Variants in MAN2A1 observed in about 807,000 individuals in gnomAD.
MAN2A1 encodes the protein alpha-mannosidase 2.
MAN2A1 carries 76 observed loss-of-function variants against 142.6 expected under a neutral mutation model. The ratio of observed to expected loss-of-function variants is 0.53; its 90% CI spans 0.44 to 0.65. The LOEUF is 0.65. MAN2A1 is among the 30% of genes least tolerant of loss of function. The pLI is 0.00. For missense variants in MAN2A1, 1,311 were observed against 1,365.1 expected, an observed-to-expected ratio of 0.96 and a Z score of 0.62; for synonymous variants, 559 against 473.2, an observed-to-expected ratio of 1.18 and a Z score of -2.35.
At chr5:109,752,686 T>G (rs1260706817) in intron 4 of MAN2A1, among the ~76,000 whole-genome samples, 1 of 152,184 alleles carries the variant, frequency 6.6e-6, no homozygotes, top group Non-Finnish European at 1.5e-5. Flanking sequence ...CCAGCCAGAC[T>G]GGGAAAGATA....
At chr5:109,767,389 A>G (rs1753020747) in intron 5 of MAN2A1, 146 bp from the exon 6 acceptor site, 2 of 562,260 alleles carry the variant, frequency 3.6e-6, no homozygotes, top group Non-Finnish European at 6.0e-6. Context: ...CTTGCTGGGA[A>G]TACTTGGCAG....
chr5:109,771,743 GTGGGCAAA>G (rs1249961157), intron 7 of MAN2A1, among the ~76,000 whole-genome samples: 1 of 152,088 alleles, frequency 6.6e-6, no homozygotes, highest in East Asian at 1.9e-4. Context: ...GCCTGTGTAG[GTGGGCAAA>G]TAGCTGTTTA....
chr5:109,809,699 C>G (rs1294564375), intron 12 of MAN2A1, among the ~76,000 whole-genome samples: 2 of 152,134 alleles, frequency 1.3e-5, no homozygotes, highest in East Asian at 3.8e-4. Context: ...GGGGATTTAA[C>G]ATGACACACC....
chr5:109,817,354 G>A lies in MAN2A1; in HGVS notation c.2025G>A (p.Val675=), dbSNP rs544297443. Residue 675 remains valine, a synonymous_variant, in exon 13 of 22, where the codon GTG becomes GTA. Coordinates refer to ENST00000261483, the MANE Select transcript of MAN2A1 (RefSeq NM_002372.4). ...ATGTGAGTTCCCCGACAGTGCAAGT[G>A]TTCTCTGCTTCAGGAAAACCTGTGG... ...SVYVSSPTVQ[V]FSASGKPVEV... The A allele has an allele frequency of 1.2e-6, 2 of 1,614,094 alleles. No homozygotes were observed. Among genetic ancestry groups the A allele is most frequent in the South Asian group, 1.1e-5 (1 of 91,072 alleles).
intron 5 of MAN2A1, among the ~76,000 whole-genome samples, chr5:109,758,139 A>T (rs1752739726): frequency 6.6e-6 from 1 of 152,126 alleles, no homozygotes; most frequent in South Asian, 2.1e-4. Context: ...CCTTCCCACC[A>T]GCAATGTGTG....
At chr5:109,767,432 T>G (rs1283761480) in intron 5 of MAN2A1, 103 bp from the exon 6 acceptor site, 6 of 877,630 alleles carry the variant, frequency 6.8e-6, no homozygotes, top group Non-Finnish European at 3.4e-6. Flanking sequence ...TGGTCTGATA[T>G]CTCTAGGAGA....
At chr5:109,826,887 C>G (rs1281006472) in intron 16 of MAN2A1, among the ~76,000 whole-genome samples, 1 of 152,170 alleles carries the variant, frequency 6.6e-6, no homozygotes, top group Non-Finnish European at 1.5e-5. Context: ...GATGATTGAT[C>G]AAAATGCATA....
chr5:109,855,034 C>G, intron 19 of MAN2A1, 106 bp from the exon 20 acceptor site: 1 of 530,580 alleles, frequency 1.9e-6, no homozygotes, highest in Non-Finnish European at 3.0e-6. Context: ...TGTAATGAAA[C>G]CAAATTATTC....
At chr5:109,769,129 G>A (rs970655984) in intron 6 of MAN2A1, among the ~76,000 whole-genome samples, 3 of 152,156 alleles carry the variant, frequency 2.0e-5, no homozygotes, top group Non-Finnish European at 4.4e-5. Context: ...TAGGACTTGT[G>A]ACAACCTTTT....
chr5:109,779,815 A>G (rs1027086001), intron 8 of MAN2A1, among the ~76,000 whole-genome samples: 3 of 152,196 alleles, frequency 2.0e-5, no homozygotes, highest in African/African-American at 4.8e-5. Flanking sequence ...TGGTGAAGCC[A>G]AGATACATTG....
chr5:109,770,154 G>C (rs1290777994), intron 6 of MAN2A1, among the ~76,000 whole-genome samples: 2 of 152,214 alleles, frequency 1.3e-5, no homozygotes, highest in Non-Finnish European at 2.9e-5. Context: ...GAGGTAGATA[G>C]AGACTGAGAT....
rs375266771 is a variant in MAN2A1 at position 109,716,314 on chromosome 5, C to G, written c.535+50C>G. 7.8e-4 allele frequency: 1,174 copies of G among 1,500,414 alleles called. 3 individuals are homozygous for G. The highest frequency in any genetic ancestry group is 9.3e-4 in the Non-Finnish European group (1,031 of 1,108,566). 92.9% of individuals were successfully genotyped at this position (1,500,414 alleles called of 1,614,324 possible). On this transcript the variant is annotated intron_variant, in intron 3 of 21. Coordinates refer to ENST00000261483, the MANE Select transcript of MAN2A1 (RefSeq NM_002372.4). Reference sequence around the variant, plus strand: ...AGGAGGTTATTAAGTTTCTTTAGGCCTAGAGTCTTTTAATGAGAATCTGGT... The same window carrying G: ...AGGAGGTTATTAAGTTTCTTTAGGCGTAGAGTCTTTTAATGAGAATCTGGT...
chr5:109,743,886 C>A (rs1752334514), intron 4 of MAN2A1, among the ~76,000 whole-genome samples: 1 of 152,172 alleles, frequency 6.6e-6, no homozygotes, highest in Admixed American at 6.5e-5. Context: ...CTGACTTTTT[C>A]TGTCTGATTC....
At chr5:109,709,041 A>G (rs1751221163) in intron 1 of MAN2A1, among the ~76,000 whole-genome samples, 1 of 152,176 alleles carries the variant, frequency 6.6e-6, no homozygotes, top group South Asian at 2.1e-4. Context: ...TAGATAAAGG[A>G]TGGGCCCAGT....
intron 1 of MAN2A1, 21 bp downstream of exon 1, chr5:109,690,573 C>T (rs569677331): frequency 4.5e-6 from 7 of 1,571,750 alleles, no homozygotes; most frequent in African/African-American, 1.4e-5. Context: ...GGGAAGGGGG[C>T]GCGGGGCTCC....
In MAN2A1 at chr5:109,842,568, G is replaced by A. The variant is rs1755235650; in HGVS notation, c.2700+107G>A. Reference sequence around the variant, plus strand: ...GATCCTTTGAAAAAGTATACTTAAAGTTGCAAATTATATCTAAAATAAAAC... The same window carrying A: ...GATCCTTTGAAAAAGTATACTTAAAATTGCAAATTATATCTAAAATAAAAC... On this transcript the variant is annotated intron_variant, in intron 17 of 21. Transcript: ENST00000261483. 1.2e-5 allele frequency: 8 copies of A among 690,572 alleles called. No homozygotes were observed. In the South Asian group the frequency reaches 2.9e-4, roughly 25 times the overall value. 42.8% of individuals were successfully genotyped at this position (690,572 alleles called of 1,614,324 possible).
chr5:109,768,259 C>T (rs1175846403), intron 6 of MAN2A1, among the ~76,000 whole-genome samples: 2 of 152,188 alleles, frequency 1.3e-5, no homozygotes, highest in Non-Finnish European at 2.9e-5. Flanking sequence ...AGATCTAGGC[C>T]TCTTGGGAGG....
At chr5:109,720,246 C>T (rs1297647859) in intron 3 of MAN2A1, among the ~76,000 whole-genome samples, 1 of 152,140 alleles carries the variant, frequency 6.6e-6, no homozygotes, top group Non-Finnish European at 1.5e-5. Flanking sequence ...AATAATCCCC[C>T]TTGTGGTATG....
At chr5:109,846,108 C>A in intron 18 of MAN2A1, 102 bp downstream of exon 18, 1 of 1,042,268 alleles carries the variant, frequency 9.6e-7, no homozygotes, top group Non-Finnish European at 1.3e-6. Context: ...TAAAACCTCC[C>A]TGTCTTCTTT....
Sources: allele counts gnomAD v4.1 joint callset (sites outside exome capture counted in the v4.1 genomes callset), GRCh38; gene constraint gnomAD v4.1.1; transcripts MANE v1.5; gene names NCBI Gene and HGNC (gene_info 2026-07-23, HGNC 2026-07-21).